Variants in LTO1 observed in about 807,000 individuals in gnomAD.
The protein encoded by LTO1 is protein LTO1 homolog.
In LTO1, 18 loss-of-function variants were observed where a neutral mutation model predicts 19.8. That is an observed-to-expected ratio of 0.91 (90% CI 0.63 to 1.35). The LOEUF (loss-of-function observed/expected upper bound fraction) is 1.35. Among genes scored for constraint, LTO1 ranks in the 40% most tolerant of loss-of-function variants. The pLI, the probability that LTO1 is intolerant of heterozygous loss-of-function variation, is 0.00. For synonymous variants in LTO1, 59 were observed against 59.6 expected (o/e 0.99, Z 0.05); for missense variants, 175 against 167.9 (o/e 1.04, Z -0.23).
chr11:69,668,791 GC>G (rs529327722), intron 3 of LTO1, among the ~76,000 whole-genome samples: 117 of 152,142 alleles, frequency 7.7e-4, no homozygotes, highest in Admixed American at 2.2e-3. Context: ...ACTTTGGGAG[GC>G]CGAGGAGGGT....
At chr11:69,669,732 C>T (rs1856082568) in intron 3 of LTO1, among the ~76,000 whole-genome samples, 1 of 152,198 alleles carries the variant, frequency 6.6e-6, no homozygotes, top group Non-Finnish European at 1.5e-5. Flanking sequence ...CCAGAGCCCC[C>T]GTGCTCAGCC....
At chr11:69,675,116 G>A (rs778965498) in intron 1 of LTO1, 74 bp downstream of exon 1, 21 of 1,393,408 alleles carry the variant, frequency 1.5e-5, no homozygotes, top group African/African-American at 2.9e-5. Flanking sequence ...CAGCCGCCCT[G>A]GGCCGCAGCC....
chr11:69,675,327 G>A lies in LTO1; in HGVS notation c.-88C>T. The A allele has an allele frequency of 1.8e-6, 2 of 1,119,108 alleles. No homozygotes were observed. The highest frequency in any genetic ancestry group is 1.7e-5 in the South Asian group (1 of 57,586). The allele number at this position is 1,119,108 out of a possible 1,614,324, so 69.3% of individuals were successfully genotyped here. A position where few individuals can be genotyped will look rare whatever the true frequency, so the allele number is the denominator to read the frequency against. The stretch of plus-strand genomic sequence containing the variant: ...CGGCAGCTTCAGGCACAAATGCTCC[G>A]CTTGGGAGGAGACGAGACCCACTTC... On this transcript the variant is annotated 5_prime_UTR_variant, in exon 1 of 5. Transcript: ENST00000279147.
intron 1 of LTO1, 25 bp downstream of exon 1, chr11:69,675,165 G>C (rs573875719): frequency 1.9e-5 from 30 of 1,589,980 alleles, no homozygotes; most frequent in Non-Finnish European, 2.6e-5. Flanking sequence ...ACAGGGCGGG[G>C]TGCGGGCCCG....
chr11:69,673,464 C>G (rs1197118811), intron 1 of LTO1, 143 bp from the exon 2 acceptor site: 1 of 610,096 alleles, frequency 1.6e-6, no homozygotes, highest in African/African-American at 1.9e-5. Flanking sequence ...TCAGAAGACA[C>G]AGATTCCAGT....
intron 1 of LTO1, 139 bp from the exon 2 acceptor site, chr11:69,673,460 GAC>G (rs1382036333): frequency 3.2e-6 from 2 of 616,444 alleles, no homozygotes; most frequent in Non-Finnish European, 2.9e-6. Flanking sequence ...CAAGTCAGAA[GAC>G]ACAGATTCCA....
In LTO1 at chr11:69,667,336, C is replaced by T. The variant is rs547360788; in HGVS notation, c.*183G>A. ...GGGCATGTGTGGCGAGGCCCCAAGA[C>T]GGGCACCAAGGTGACACAGGCAGAA... On this transcript the variant is annotated 3_prime_UTR_variant, in exon 5 of 5. Coordinates refer to ENST00000279147, the MANE Select transcript of LTO1 (RefSeq NM_153451.3). The T allele has an allele frequency of 5.4e-4, 322 of 601,698 alleles. No individual in the cohort carries two copies. Among genetic ancestry groups the T allele is most frequent in the African/African-American group, 5.3e-3 (286 of 53,756 alleles). The allele number at this position is 601,698 out of a possible 1,614,324, so 37.3% of individuals were successfully genotyped here.
At chr11:69,673,030 G>T (rs1856129899) in intron 2 of LTO1, 186 bp downstream of exon 2, 1 of 652,718 alleles carries the variant, frequency 1.5e-6, no homozygotes, top group African/African-American at 1.8e-5. Context: ...TCCAACTCCT[G>T]ACCTCAAGGC....
intron 3 of LTO1, among the ~76,000 whole-genome samples, chr11:69,669,856 C>A (rs1484485699): frequency 6.6e-6 from 1 of 152,212 alleles, no homozygotes; most frequent in African/African-American, 2.4e-5. Flanking sequence ...ATCTTTTGGC[C>A]TGAGATGCCG....
At chr11:69,669,714 T>C (rs1856082399) in intron 3 of LTO1, among the ~76,000 whole-genome samples, 1 of 152,114 alleles carries the variant, frequency 6.6e-6, no homozygotes, top group Admixed American at 6.5e-5. Flanking sequence ...GAAAGAAAAG[T>C]GATGGTGCCA....
In LTO1 at chr11:69,675,220, A is replaced by G. The variant is rs1233636345; in HGVS notation, c.20T>C (p.Ile7Thr). The G allele has an allele frequency of 6.5e-7, 1 of 1,539,722 alleles. No homozygotes were observed. Among genetic ancestry groups the G allele is most frequent in the Non-Finnish European group, 8.7e-7 (1 of 1,146,814 alleles). The change falls in exon 1 of 5, where the codon ATA becomes ACA. Residue 7 changes from isoleucine (I) to threonine (T), a missense_variant. Ile to Thr is a moderately conservative substitution (Grantham distance 89, BLOSUM62 -1). Transcript: ENST00000279147. Reference protein sequence around the residue: MAGSQDIFDAIVMADER... With the variant: MAGSQDTFDAIVMADER... Reference sequence around the variant, plus strand: ...ATCCGCCATCACGATGGCATCGAATATGTCCTGACTGCCAGCCATAGCGGC... The same window carrying G: ...ATCCGCCATCACGATGGCATCGAATGTGTCCTGACTGCCAGCCATAGCGGC...
chr11:69,669,616 T>C (rs1856080593), intron 3 of LTO1, among the ~76,000 whole-genome samples: 1 of 152,178 alleles, frequency 6.6e-6, no homozygotes, highest in Non-Finnish European at 1.5e-5. Context: ...GTTACTTTTC[T>C]GGTCAGCGAT....
At chr11:69,667,812 C>T in intron 4 of LTO1, 83 bp downstream of exon 4, 2 of 828,632 alleles carry the variant, frequency 2.4e-6, no homozygotes, top group Admixed American at 3.7e-5. Flanking sequence ...GCCATTGCCG[C>T]AGCGGCCCCG....
At chr11:69,674,702 G>T (rs1268562015) in intron 1 of LTO1, 2 of 455,382 alleles carry the variant, frequency 4.4e-6, no homozygotes, top group South Asian at 3.1e-5. Context: ...CCGGGCACTG[G>T]AAGTCAGCCA....
intron 1 of LTO1, chr11:69,674,905 T>C (rs1315259992): frequency 1.5e-6 from 1 of 671,412 alleles, no homozygotes; most frequent in Admixed American, 2.0e-5. Flanking sequence ...CGAGGCGGCC[T>C]CGGAGGAGGG....
chr11:69,671,932 T>C (rs1856115675), intron 2 of LTO1, 113 bp from the exon 3 acceptor site: 1 of 721,024 alleles, frequency 1.4e-6, no homozygotes, highest in Non-Finnish European at 2.5e-6. Flanking sequence ...CTTCTCACAC[T>C]ATTGTTCTGG....
intron 1 of LTO1, 82 bp from the exon 2 acceptor site, chr11:69,673,403 C>G: frequency 5.4e-6 from 5 of 932,556 alleles, no homozygotes; most frequent in Non-Finnish European, 8.7e-6. Flanking sequence ...TTGTATTACC[C>G]GGACCCAGTA....
intron 3 of LTO1, among the ~76,000 whole-genome samples, chr11:69,668,928 TGA>T (rs1856071109): frequency 6.6e-6 from 1 of 150,554 alleles, no homozygotes; most frequent in South Asian, 2.1e-4. Flanking sequence ...CTCGGGAGGC[TGA>T]GACAGGAGAA....
intron 4 of LTO1, 87 bp downstream of exon 4, chr11:69,667,808 G>T: frequency 1.2e-6 from 1 of 812,694 alleles, no homozygotes; most frequent in Non-Finnish European, 2.2e-6. Flanking sequence ...CCAGGCCATT[G>T]CCGCAGCGGC....
Sources: gnomAD v4.1 joint callset for allele counts (sites outside exome capture counted in the v4.1 genomes callset) on GRCh38, gnomAD v4.1.1 for gene constraint, MANE v1.5 for transcripts, NCBI Gene and HGNC (gene_info 2026-07-23, HGNC 2026-07-21) for gene names.